HERC6: variants seen among roughly 807,000 people sequenced by gnomAD.
The protein encoded by HERC6 is probable E3 ubiquitin-protein ligase HERC6.
HERC6 carries 101 observed loss-of-function variants against 114.5 expected under a neutral mutation model. The observed-to-expected ratio is 0.88, with a 90% CI of 0.75 to 1.04. The LOEUF is 1.04. Ranked by LOEUF, HERC6 falls within the 50% of genes least tolerant of loss-of-function variation. HERC6 has a pLI of 0.00. For synonymous variants in HERC6, 408 were observed against 436.2 expected, an observed-to-expected ratio of 0.94 and a Z score of 0.81; for missense variants, 1,133 against 1,230.9, an observed-to-expected ratio of 0.92 and a Z score of 1.19.
chr4:88,388,565 AAAAAGAC>A (rs1228803391), intron 3 of HERC6, among the ~76,000 whole-genome samples: 1 of 149,968 alleles, frequency 6.7e-6, no homozygotes, highest in Non-Finnish European at 1.5e-5. Flanking sequence ...AAAAAAAAAA[AAAAAGAC>A]AGATTAATAG....
intron 9 of HERC6, 103 bp from the exon 10 acceptor site, chr4:88,405,448 TTAA>T: frequency 1.9e-6 from 1 of 539,510 alleles, no homozygotes; most frequent in Non-Finnish European, 3.2e-6. Context: ...GTTATTTTCA[TTAA>T]TAATTATTCC....
chr4:88,434,646 A>C (rs1466520170), intron 17 of HERC6, among the ~76,000 whole-genome samples: 1 of 152,178 alleles, frequency 6.6e-6, no homozygotes, highest in Non-Finnish European at 1.5e-5. Flanking sequence ...GAGATTAAAT[A>C]AATCAGCCAA....
chr4:88,425,401 A>G lies in HERC6; in HGVS notation c.1935+699A>G, dbSNP rs545291395. On this transcript the variant is annotated intron_variant, in intron 15 of 22. Transcript: ENST00000264346. Reference sequence around the variant, plus strand: ...GTTCTAGTCCTCACTTTCTTTATATAATATGTATCTATTGTTTTCCTGCCA... The same window carrying G: ...GTTCTAGTCCTCACTTTCTTTATATGATATGTATCTATTGTTTTCCTGCCA... 3.9e-5 allele frequency among the ~76,000 whole-genome samples: 6 copies of G among 152,224 alleles called. No homozygotes were observed. In the East Asian group the frequency reaches 1.2e-3, roughly 29 times the overall value.
intron 11 of HERC6, among the ~76,000 whole-genome samples, chr4:88,411,645 T>C (rs1276370647): frequency 6.6e-6 from 1 of 152,216 alleles, no homozygotes; most frequent in Non-Finnish European, 1.5e-5. Context: ...CTAGCTGCTA[T>C]GACAAACAAC....
At chr4:88,429,356 AAGACATGGATCAC>A (rs1737957993) in intron 16 of HERC6, among the ~76,000 whole-genome samples, 1 of 152,214 alleles carries the variant, frequency 6.6e-6, no homozygotes, top group South Asian at 2.1e-4. Flanking sequence ...TCATATGCAA[AAGACATGGATCAC>A]AGAGGGGTGA....
At chr4:88,396,308 A>G (rs1051345166) in intron 6 of HERC6, among the ~76,000 whole-genome samples, 166 bp downstream of exon 6, 3 of 152,128 alleles carry the variant, frequency 2.0e-5, no homozygotes, top group Admixed American at 6.5e-5. Flanking sequence ...TTTATTCTAG[A>G]TATTTTATTT....
At chr4:88,383,491 G>A in intron 2 of HERC6, 111 bp downstream of exon 2, 2 of 817,418 alleles carry the variant, frequency 2.4e-6, no homozygotes, top group Non-Finnish European at 3.5e-6. Context: ...AGCTGCAGTG[G>A]TTCATGTCTG....
intron 16 of HERC6, among the ~76,000 whole-genome samples, chr4:88,430,946 T>C (rs1000074283): frequency 2.6e-5 from 4 of 152,188 alleles, no homozygotes; most frequent in Non-Finnish European, 5.9e-5. Flanking sequence ...CATGTAGCAG[T>C]GTAAAGGATG....
At chr4:88,431,362 CAACATT>C in intron 17 of HERC6, 57 bp downstream of exon 17, 5 of 1,524,898 alleles carry the variant, frequency 3.3e-6, no homozygotes, top group Non-Finnish European at 4.4e-6. Context: ...CCATATACTG[CAACATT>C]AACACCATAG....
intron 1 of HERC6, among the ~76,000 whole-genome samples, 164 bp downstream of exon 1, chr4:88,379,284 G>A (rs1198783389): frequency 6.6e-6 from 1 of 152,126 alleles, no homozygotes; most frequent in Non-Finnish European, 1.5e-5. Flanking sequence ...CGCGGGCCAG[G>A]CAGGGAGGGG....
chr4:88,407,219 A>G (rs1271193107), intron 10 of HERC6, among the ~76,000 whole-genome samples: 1 of 151,992 alleles, frequency 6.6e-6, no homozygotes, highest in Non-Finnish European at 1.5e-5. Context: ...CTGGGATTAC[A>G]GGCATGCGCC....
Position 88,398,127 on chromosome 4 carries a change from A to G in HERC6, c.1025-15A>G. 6.5e-7 allele frequency: 1 copy of G among 1,544,430 alleles called. No homozygotes were observed. Among genetic ancestry groups the G allele is most frequent in the Admixed American group, 2.0e-5 (1 of 48,880 alleles). On this transcript the variant is annotated splice_polypyrimidine_tract_variant and intron_variant, in intron 7 of 22. Coordinates refer to ENST00000264346, the MANE Select transcript of HERC6 (RefSeq NM_017912.4). ...TTCTAGAAACTCTAAGCATGGATTTATGACTTTCTTTTAGACTTCGTGGAT... is the reference window on the plus strand; with the variant it reads ...TTCTAGAAACTCTAAGCATGGATTTGTGACTTTCTTTTAGACTTCGTGGAT...
intron 17 of HERC6, among the ~76,000 whole-genome samples, chr4:88,433,104 A>G (rs773510091): frequency 2.0e-5 from 3 of 152,144 alleles, no homozygotes; most frequent in African/African-American, 7.2e-5. Flanking sequence ...GAAAAGTAAC[A>G]AAAAAATTTG....
chr4:88,398,440 T>C (rs1027601178), intron 8 of HERC6: 2 of 372,554 alleles, frequency 5.4e-6, no homozygotes, highest in East Asian at 4.8e-5. Context: ...ATTTTTTCTT[T>C]ATGGGTAAGT....
At chr4:88,389,440 G>A (rs1293289736) in intron 3 of HERC6, among the ~76,000 whole-genome samples, 1 of 152,206 alleles carries the variant, frequency 6.6e-6, no homozygotes, top group Non-Finnish European at 1.5e-5. Context: ...TTTTAGGAGA[G>A]AAAAGTTGGT....
In HERC6 at chr4:88,417,543, T is replaced by C. The variant is rs771705821; in HGVS notation, c.1677T>C (p.Val559=). 6.2e-7 allele frequency: 1 copy of C among 1,613,080 alleles called. No individual in the cohort carries two copies. Among genetic ancestry groups the C allele is most frequent in the South Asian group, 1.1e-5 (1 of 90,908 alleles). ...QTKTEQDHCN[V]KALLGMMKEL... ...AAACCGAACAGGATCACTGTAATGT[T>C]AAAGCTCTTTTAGGAATGATGAAAG... is the stretch of plus-strand genomic sequence containing the variant. The change falls in exon 13 of 23, where the codon GTT becomes GTC. Residue 559 remains valine (V), a synonymous_variant. Transcript: ENST00000264346.
chr4:88,381,768 G>A lies in HERC6; in HGVS notation c.200-1453G>A, dbSNP rs936570155. ...AGACGGGGTTTCACTATGTTGGTCAGGCTGGTCTCAAACTCCTGACCTCGT... is the reference window on the plus strand; with the variant it reads ...AGACGGGGTTTCACTATGTTGGTCAAGCTGGTCTCAAACTCCTGACCTCGT... On this transcript the variant is annotated intron_variant, in intron 1 of 22. Coordinates refer to ENST00000264346, the MANE Select transcript of HERC6 (RefSeq NM_017912.4). Among the ~76,000 whole-genome samples the A allele has an allele frequency of 4.6e-5, 7 of 151,882 alleles. No individual in the cohort carries two copies. The East Asian group carries it at 1.4e-3, about 29-fold the overall frequency.
chr4:88,384,077 A>G (rs569058188), intron 2 of HERC6, among the ~76,000 whole-genome samples: 1 of 152,130 alleles, frequency 6.6e-6, no homozygotes, highest in Admixed American at 6.5e-5. Flanking sequence ...GCCTCCTGAA[A>G]ATGCAGTTCC....
At position 88,393,483 on chromosome 4, in the gene HERC6, A is replaced by G. The variant is rs61750818; in HGVS notation, c.665-5A>G. ...TACTCTAGAGATTCTGCTTTCTTTCAACAGTGCAAAGCAACAAGCCTCTCT... is the reference window on the plus strand; with the variant it reads ...TACTCTAGAGATTCTGCTTTCTTTCGACAGTGCAAAGCAACAAGCCTCTCT... On this transcript the variant is annotated splice_region_variant and splice_polypyrimidine_tract_variant and intron_variant, in intron 4 of 22. Coordinates refer to ENST00000264346, the MANE Select transcript of HERC6 (RefSeq NM_017912.4). The G allele has an allele frequency of 0.046, 73,204 of 1,590,110 alleles. 1,908 individuals are homozygous for G. Among genetic ancestry groups the G allele is most frequent in the South Asian group, 0.055 (4,851 of 88,172 alleles).
Sources: gnomAD v4.1 joint callset for allele counts (sites outside exome capture counted in the v4.1 genomes callset) on GRCh38, gnomAD v4.1.1 for gene constraint, MANE v1.5 for transcripts, NCBI Gene and HGNC (gene_info 2026-07-23, HGNC 2026-07-21) for gene names.